Variants in IVL observed in about 807,000 individuals in gnomAD.
IVL encodes involucrin.
For synonymous variants in IVL, 257 were observed against 271.0 expected (o/e 0.95, Z 0.51); for missense variants, 722 against 624.9 (o/e 1.16, Z -1.66).
intron 1 of IVL, among the ~76,000 whole-genome samples, chr1:152,908,833 TGAGA>T (rs1649846466): frequency 6.6e-6 from 1 of 152,158 alleles, no homozygotes; most frequent in African/African-American, 2.4e-5. Flanking sequence ...GATTTGTGTG[TGAGA>T]GAGAATTATG....
chr1:152,910,050 C>G lies in IVL; in HGVS notation c.253C>G (p.Gln85Glu). The G allele has an allele frequency of 1.9e-6, 3 of 1,614,152 alleles. No homozygotes were observed. The highest frequency in any genetic ancestry group is 2.5e-6 in the Non-Finnish European group (3 of 1,180,004). ...GCAACAGCAGAAGGAGCCACAGGAG[C>G]AGGAGCTGCAGCAACAGCACTGGGA... ...CEQQQKEPQE[Q>E]ELQQQHWEQH... The change falls in exon 2 of 2, where the codon CAG becomes GAG. Residue 85 changes from glutamine to glutamate, a missense_variant. By Grantham distance (29) the Gln-to-Glu change is conservative. Transcript: ENST00000368764.
chr1:152,909,737 C>T, intron 1 of IVL, 42 bp from the exon 2 acceptor site: 1 of 1,485,642 alleles, frequency 6.7e-7, no homozygotes, highest in Non-Finnish European at 9.1e-7. Flanking sequence ...CATCTATTTC[C>T]TTTGCCTTCA....
At chr1:152,908,784 T>C (rs74130566) in intron 1 of IVL, among the ~76,000 whole-genome samples, 195 bp downstream of exon 1, 1 of 152,328 alleles carries the variant, frequency 6.6e-6, no homozygotes, top group African/African-American at 2.4e-5. Context: ...CAGAGAGTAA[T>C]CATCCTATGT....
At position 152,911,445 on chromosome 1, in the gene IVL, G is replaced by A. The variant is rs1464486004; in HGVS notation, c.1648G>A (p.Gly550Ser). Residue 550 changes from glycine (G) to serine (S), a missense_variant, in exon 2 of 2, where the codon GGC (glycine) becomes AGC (serine). Gly to Ser is a moderately conservative substitution (Grantham distance 56). Transcript: ENST00000368764. ...GCAGCCTGTGTTTGCCCCAGCTCCA[G>A]GCCAGGTCCAAGACATTCAACCAGC... ...LEQPVFAPAP[G>S]QVQDIQPALP... The A allele has an allele frequency of 6.2e-7, 1 of 1,614,186 alleles. No individual in the cohort carries two copies. The highest frequency in any genetic ancestry group is 8.5e-7 in the Non-Finnish European group (1 of 1,180,020).
chr1:152,909,756 A>G, intron 1 of IVL, 23 bp from the exon 2 acceptor site: 2 of 1,567,672 alleles, frequency 1.3e-6, no homozygotes, highest in East Asian at 2.2e-5. Flanking sequence ...CAGCCTGTGC[A>G]TCAGACCTCT....
chr1:152,909,716 T>C (rs556097088), intron 1 of IVL, 63 bp from the exon 2 acceptor site: 2 of 1,344,036 alleles, frequency 1.5e-6, no homozygotes, highest in Non-Finnish European at 2.0e-6. Flanking sequence ...TTCTGCAGAT[T>C]CCCAAGGTTT....
Position 152,910,375 on chromosome 1 carries a change from TG to T in IVL, c.580del (p.Glu194SerfsTer70), listed in dbSNP as rs1280664012. 6.8e-7 allele frequency: 1 copy of T among 1,479,202 alleles called. No individual in the cohort carries two copies. Among genetic ancestry groups the T allele is most frequent in the African/African-American group, 1.4e-5 (1 of 69,324 alleles). 91.6% of individuals were successfully genotyped at this position (1,479,202 alleles called of 1,614,324 possible). A position where few individuals can be genotyped will look rare whatever the true frequency, so the allele number is the denominator to read the frequency against. ...CTCCCAGAGCAGCAGGAGGGGCAGC[TG>T]GAGCTCCCAGAGCAGCAGGAGGGGC... ...LELPEQQEGQ[L>X]ELPEQQEGQL... On this transcript the variant is annotated frameshift_variant, in exon 2 of 2. Transcript: ENST00000368764. LOFTEE classifies it low-confidence loss of function (END_TRUNC).
At chr1:152,908,624 C>T (rs1042781260) in intron 1 of IVL, 35 bp downstream of exon 1, 4 of 125,352 alleles carry the variant, frequency 3.2e-5, no homozygotes, top group Non-Finnish European at 3.2e-5. Flanking sequence ...GGTTGGGACT[C>T]GGGACCTCCA....
Position 152,910,164 on chromosome 1 carries a change from C to T in IVL, c.367C>T (p.Leu123=), listed in dbSNP as rs748318196. The T allele has an allele frequency of 6.2e-7, 1 of 1,614,132 alleles. No individual in the cohort carries two copies. The highest frequency in any genetic ancestry group is 8.5e-7 in the Non-Finnish European group (1 of 1,180,018). ...TQRDQQLNKQ[L]EEEKKLLDQQ... is the part of the protein sequence containing the mutation. ...AAGGGATCAGCAGCTAAACAAACAGCTGGAAGAAGAGAAGAAGCTCTTAGA... is the reference window on the plus strand; with the variant it reads ...AAGGGATCAGCAGCTAAACAAACAGTTGGAAGAAGAGAAGAAGCTCTTAGA... Residue 123 remains leucine (L), a synonymous_variant, in exon 2 of 2, where the codon CTG becomes TTG. Coordinates refer to ENST00000368764, the MANE Select transcript of IVL (RefSeq NM_005547.4).
chr1:152,909,720 A>C, intron 1 of IVL, 59 bp from the exon 2 acceptor site: 1 of 1,388,132 alleles, frequency 7.2e-7, no homozygotes, highest in Non-Finnish European at 9.9e-7. Context: ...GCAGATTCCC[A>C]AGGTTTCATC....
At position 152,911,153 on chromosome 1, in the gene IVL, C is replaced by A. The variant is rs569146221; in HGVS notation, c.1356C>A (p.Val452=). Residue 452 remains valine, a synonymous_variant, in exon 2 of 2, where the codon GTC becomes GTA. Transcript: ENST00000368764. ...HLEQQQGQLE[V]PEQQVGQPKN... ...AGCAGCAGCAGGGGCAGTTGGAGGT[C>A]CCAGAGCAGCAGGTGGGGCAGCCAA... is the stretch of plus-strand genomic sequence containing the variant. 4 of 1,555,236 alleles carry A rather than the reference C, an allele frequency of 2.6e-6. No homozygotes were observed. Among genetic ancestry groups the A allele is most frequent in the African/African-American group, 2.7e-5 (2 of 73,082 alleles).
rs147215419 is a variant in IVL at position 152,911,245 on chromosome 1, T to A, written c.1448T>A (p.Leu483Gln). ...CAGCAAGAGGGCCAGGTGAAGCACC[T>A]GGAGAAGCAGGAGGCACAGCTGGAG... ...PEQQEGQVKH[L>Q]EKQEAQLELP... is the part of the protein sequence containing the mutation. The change falls in exon 2 of 2, where the codon CTG (leucine) becomes CAG (glutamine). Residue 483 changes from leucine (L) to glutamine (Q), a missense_variant. Transcript: ENST00000368764. The A allele has an allele frequency of 9.7e-4, 1,504 of 1,555,966 alleles. 46 individuals carry two copies. In the East Asian group the frequency reaches 0.036, roughly 37 times the overall value.
rs769197064 is a variant in IVL at position 152,911,163 on chromosome 1, C to A, written c.1366C>A (p.Gln456Lys). 1.9e-6 allele frequency: 3 copies of A among 1,558,082 alleles called. No individual in the cohort carries two copies. The South Asian group carries it at 3.6e-5, about 18-fold the overall frequency. The part of the protein sequence containing the change: ...QQGQLEVPEQ[Q>K]VGQPKNLEQE... The stretch of plus-strand genomic sequence containing the variant: ...GGGGCAGTTGGAGGTCCCAGAGCAG[C>A]AGGTGGGGCAGCCAAAGAACCTGGA... The change falls in exon 2 of 2, where the codon CAG becomes AAG. Residue 456 changes from glutamine to lysine, a missense_variant. Physicochemically the swap from Gln to Lys is moderately conservative, Grantham distance 53. Coordinates refer to ENST00000368764, the MANE Select transcript of IVL (RefSeq NM_005547.4).
chr1:152,910,568 G>A lies in IVL; in HGVS notation c.771G>A (p.Glu257=). 3 of 1,550,350 alleles carry A rather than the reference G, an allele frequency of 1.9e-6. No individual in the cohort carries two copies. In the East Asian group the frequency reaches 7.3e-5, roughly 38 times the overall value. Reference sequence around the variant, plus strand: ...AGGAGGGGCAGCTGGAGCTCTCTGAGCAGCAGGAGGGACAGCTGAAGCACC... The same window carrying A: ...AGGAGGGGCAGCTGGAGCTCTCTGAACAGCAGGAGGGACAGCTGAAGCACC... ...EQQEGQLELS[E]QQEGQLKHLE... is the part of the protein sequence containing the mutation. Residue 257 remains glutamate (E), a synonymous_variant, in exon 2 of 2, where the codon GAG becomes GAA. Coordinates refer to ENST00000368764, the MANE Select transcript of IVL (RefSeq NM_005547.4).
In IVL at chr1:152,910,106, C is replaced by T. The variant is rs1450567033; in HGVS notation, c.309C>T (p.Asn103=). The T allele has an allele frequency of 6.2e-7, 1 of 1,614,192 alleles. No homozygotes were observed. The highest frequency in any genetic ancestry group is 1.3e-5 in the African/African-American group (1 of 75,060). ...EQHEEYQKAE[N]PEQQLKQEKT... ...ATGAGGAATATCAGAAAGCAGAAAA[C>T]CCAGAGCAGCAGCTTAAGCAGGAGA... is the stretch of plus-strand genomic sequence containing the variant. Residue 103 remains asparagine (N), a synonymous_variant, in exon 2 of 2, where the codon AAC becomes AAT. Transcript: ENST00000368764.
At chr1:152,908,989 A>ATGGGGAAACCTTTCTATT (rs1553211254) in intron 1 of IVL, among the ~76,000 whole-genome samples, 3 of 152,172 alleles carry the variant, frequency 2.0e-5, no homozygotes, top group Non-Finnish European at 4.4e-5. Context: ...GGATGGCAGA[A>ATGGGGAAACCTTTCTATT]TGGGGAAACC....
Position 152,911,213 on chromosome 1 carries a change from C to T in IVL, c.1416C>T (p.Leu472=), listed in dbSNP as rs370858745. 9.6e-6 allele frequency: 15 copies of T among 1,556,422 alleles called. No individual in the cohort carries two copies. The highest frequency in any genetic ancestry group is 1.3e-5 in the Non-Finnish European group (15 of 1,150,196). The part of the protein sequence containing the change: ...NLEQEEKQLE[L]PEQQEGQVKH... ...AGCAGGAGGAGAAGCAACTGGAGCT[C>T]CCAGAGCAGCAAGAGGGCCAGGTGA... The change falls in exon 2 of 2, where the codon CTC becomes CTT. Residue 472 remains leucine (L), a synonymous_variant. Transcript: ENST00000368764.
At position 152,910,893 on chromosome 1, in the gene IVL, C is replaced by A; in HGVS notation, c.1096C>A (p.Pro366Thr). ...LEHQEGQLGL[P>T]EQQVLQLKQL... ...GCACCAGGAAGGGCAGCTGGGGCTC[C>A]CAGAGCAGCAGGTGCTGCAGCTGAA... The change falls in exon 2 of 2, where the codon CCA (proline) becomes ACA (threonine). Residue 366 changes from proline (P) to threonine (T), a missense_variant. Physicochemically the swap from Pro to Thr is conservative, Grantham distance 38. Transcript: ENST00000368764. 2 of 1,550,678 alleles carry A rather than the reference C, an allele frequency of 1.3e-6. No homozygotes were observed. The highest frequency in any genetic ancestry group is 1.7e-6 in the Non-Finnish European group (2 of 1,146,900).
Position 152,910,671 on chromosome 1 carries a change from C to A in IVL, c.874C>A (p.Gln292Lys). The A allele has an allele frequency of 6.5e-7, 1 of 1,549,440 alleles. No individual in the cohort carries two copies. Residue 292 changes from glutamine (Q) to lysine (K), a missense_variant, in exon 2 of 2, where the codon CAG becomes AAG. Physicochemically the swap from Gln to Lys is moderately conservative, Grantham distance 53. Transcript: ENST00000368764. ...GAAGTACCTGGAACAGCAGGAGGGG[C>A]AGCTGAAGCACCTGGATCAGCAGGA... Reference protein sequence around the residue: ...QLKYLEQQEGQLKHLDQQEKQ... With the variant: ...QLKYLEQQEGKLKHLDQQEKQ...
Sources: allele counts gnomAD v4.1 joint callset (sites outside exome capture counted in the v4.1 genomes callset), GRCh38; gene constraint gnomAD v4.1.1; transcripts MANE v1.5; gene names NCBI Gene and HGNC (gene_info 2026-07-23, HGNC 2026-07-21).